USP36: variants seen among roughly 807,000 people sequenced by gnomAD.
USP36 encodes the protein ubiquitin specific peptidase 36.
A neutral mutation model predicts 111.5 loss-of-function variants in USP36; 59 were observed. That is an observed-to-expected ratio of 0.53 (90% CI 0.43 to 0.66). USP36 has a LOEUF of 0.66. Ranked by LOEUF, USP36 falls within the 30% of genes least tolerant of loss-of-function variation. The pLI is 0.00. For synonymous variants in USP36, 628 were observed against 581.0 expected (o/e 1.08, Z -1.16); for missense variants, 1,488 against 1,468.0 (o/e 1.01, Z -0.22).
intron 13 of USP36, among the ~76,000 whole-genome samples, chr17:78,810,373 A>T (rs946231241): frequency 3.9e-5 from 6 of 152,046 alleles, no homozygotes; most frequent in Admixed American, 3.9e-4. Flanking sequence ...CTCCAGCCTT[A>T]ATCTCCCTGG....
downstream of USP36, among the ~76,000 whole-genome samples, chr17:78,793,114 C>T (rs1239797686): frequency 6.6e-6 from 1 of 151,906 alleles, no homozygotes; most frequent in Non-Finnish European, 1.5e-5. Context: ...TCCCCAGGTG[C>T]TCCTGCTGCC....
intron 3 of USP36, chr17:78,787,689 A>T (rs2093547063): frequency 6.6e-6 from 1 of 152,162 alleles, no homozygotes; most frequent in African/African-American, 2.4e-5. Flanking sequence ...GCCACATTTA[A>T]CTCTGAGAAG....
intron 13 of USP36, among the ~76,000 whole-genome samples, chr17:78,810,854 C>T (rs2094031841): frequency 6.6e-6 from 1 of 151,874 alleles, no homozygotes; most frequent in Non-Finnish European, 1.5e-5. Context: ...GTGGCTCATG[C>T]CTGTATCCCA....
At chr17:78,834,316 CT>C (rs2068442843) in intron 4 of USP36, among the ~76,000 whole-genome samples, 1 of 150,808 alleles carries the variant, frequency 6.6e-6, no homozygotes, top group East Asian at 1.9e-4. Flanking sequence ...TTAACCAATG[CT>C]TTAATTTCTT....
intron 13 of USP36, among the ~76,000 whole-genome samples, chr17:78,809,125 T>C (rs537273006): frequency 1.5e-4 from 23 of 152,268 alleles, no homozygotes; most frequent in Non-Finnish European, 3.2e-4. Context: ...ATGAGATCTT[T>C]TGTTTACAAA....
upstream of USP36, chr17:78,840,899 G>A (rs1164453811): frequency 1.3e-5 from 2 of 152,390 alleles, no homozygotes; most frequent in East Asian, 3.9e-4. Flanking sequence ...ACTCCGAAAG[G>A]GTTGGGAGGC....
chr17:78,792,747 C>T (rs1401077883), downstream of USP36, among the ~76,000 whole-genome samples: 1 of 152,070 alleles, frequency 6.6e-6, no homozygotes, highest in African/African-American at 2.4e-5. Flanking sequence ...GAGACAGAGT[C>T]TCACTCTGTC....
At chr17:78,820,367 T>G (rs955487078) in intron 8 of USP36, among the ~76,000 whole-genome samples, 43 of 152,024 alleles carry the variant, frequency 2.8e-4, no homozygotes, top group African/African-American at 9.4e-4. Context: ...GTACCAGCTG[T>G]GTGGGAGGAT....
At chr17:78,806,426 A>C in intron 14 of USP36, 140 bp from the exon 15 acceptor site, 5 of 1,121,354 alleles carry the variant, frequency 4.5e-6, no homozygotes, top group Non-Finnish European at 6.3e-6. Context: ...AGAAGACAAA[A>C]AGGGGAGGTG....
chr17:78,816,148 C>CATA, intron 10 of USP36, among the ~76,000 whole-genome samples: 1 of 151,868 alleles, frequency 6.6e-6, no homozygotes. Flanking sequence ...CTCCGAAAAA[C>CATA]ATACGCATAA....
intron 9 of USP36, among the ~76,000 whole-genome samples, chr17:78,819,621 A>C (rs1370718993): frequency 6.6e-6 from 1 of 152,226 alleles, no homozygotes; most frequent in Non-Finnish European, 1.5e-5. Context: ...GTGTGGCCCC[A>C]TGGCTGGTCA....
At chr17:78,830,812 A>C (rs920116955) in intron 4 of USP36, among the ~76,000 whole-genome samples, 6 of 152,126 alleles carry the variant, frequency 3.9e-5, no homozygotes, top group Admixed American at 3.3e-4. Flanking sequence ...CATAAAGGGG[A>C]GGTTTTTTTC....
In USP36 at chr17:78,802,097, AC is replaced by A. The variant is rs1189124561; in HGVS notation, c.3022+226del. Among the ~76,000 whole-genome samples, 3 of 55,278 alleles carry A rather than the reference AC, an allele frequency of 5.4e-5. No homozygotes were observed. In the South Asian group the frequency reaches 2.0e-3, roughly 37 times the overall value. The allele number at this position is 55,278 out of a possible 152,430, so 36.3% of individuals were successfully genotyped here. A position where few individuals can be genotyped will look rare whatever the true frequency, so the allele number is the denominator to read the frequency against. The stretch of plus-strand genomic sequence containing the variant: ...CCGGTGCACACCCACGCGGTCCCCC[AC>A]CCCCTTGCCCGGTGCACACCCACGC... On this transcript the variant is annotated intron_variant, in intron 17 of 20. Transcript: ENST00000449938.
chr17:78,813,930 C>T (rs2094125666), intron 11 of USP36, 57 bp from the exon 12 acceptor site: 3 of 1,479,650 alleles, frequency 2.0e-6, no homozygotes, highest in Non-Finnish European at 2.8e-6. Context: ...TCCCATTATC[C>T]TCACTTTTTA....
At chr17:78,802,679 A>G in intron 16 of USP36, 144 bp from the exon 17 acceptor site, 1 of 788,836 alleles carries the variant, frequency 1.3e-6, no homozygotes, top group Non-Finnish European at 2.0e-6. Context: ...TCTTCCCCCC[A>G]CACGCATTAG....
chr17:78,821,965 T>C lies in USP36; in HGVS notation c.729A>G (p.Gln243=), dbSNP rs763973216. ...RQTQATTLVH[Q]IFGGYLRSRV... ...GTGATCTGAGATACCCTCCAAAAAT[T>C]TGATGGACCAAGGTAGTAGCCTGCG... Residue 243 remains glutamine, a synonymous_variant, in exon 7 of 21, where the codon CAA becomes CAG. Transcript: ENST00000449938. 17 of 1,614,000 alleles carry C rather than the reference T, an allele frequency of 1.1e-5. No individual in the cohort carries two copies. Among genetic ancestry groups the C allele is most frequent in the Middle Eastern group, 3.3e-4 (2 of 6,084 alleles).
chr17:78,820,333 C>T (rs531545646), intron 8 of USP36, among the ~76,000 whole-genome samples: 4 of 152,246 alleles, frequency 2.6e-5, no homozygotes, highest in African/African-American at 9.6e-5. Context: ...AAAAATTAGC[C>T]AGGCGTGGTG....
downstream of USP36, among the ~76,000 whole-genome samples, chr17:78,790,866 T>A (rs916767107): frequency 6.6e-6 from 1 of 152,190 alleles, no homozygotes; most frequent in African/African-American, 2.4e-5. Context: ...AGTGGCAATC[T>A]TGTGACCTGT....
intron 2 of USP36, among the ~76,000 whole-genome samples, chr17:78,838,245 C>A (rs916059727): frequency 6.6e-6 from 1 of 151,720 alleles, no homozygotes; most frequent in Non-Finnish European, 1.5e-5. Context: ...TGGTGGCAGG[C>A]GCCTGTAATC....
Sources: allele counts gnomAD v4.1 joint callset (sites outside exome capture counted in the v4.1 genomes callset), GRCh38; gene constraint gnomAD v4.1.1; transcripts MANE v1.5; gene names NCBI Gene and HGNC (gene_info 2026-07-23, HGNC 2026-07-21).